Variants in DIPK2B observed in about 807,000 individuals in gnomAD.
DIPK2B encodes the protein divergent protein kinase domain 2B.
Under a neutral mutation model 22.2 loss-of-function variants are expected in DIPK2B, and 15 were observed. That is an observed-to-expected ratio of 0.68 (90% CI 0.45 to 1.04). The LOEUF (loss-of-function observed/expected upper bound fraction) is 1.04. DIPK2B is among the 50% of genes least tolerant of loss of function. The probability of loss-of-function intolerance (pLI) is 0.00; values close to 1 mark genes in which losing one functional copy is unlikely to be tolerated. For missense variants in DIPK2B, 345 were observed against 348.3 expected (o/e 0.99, Z 0.08); for synonymous variants, 163 against 153.2 (o/e 1.06, Z -0.47).
chrX:45,171,301 A>C, intron 2 of DIPK2B, among the ~76,000 whole-genome samples: 1 of 108,391 alleles, frequency 9.2e-6, no homozygotes, highest in Non-Finnish European at 1.9e-5. Flanking sequence ...CCCTGACCCC[A>C]CTCTGAACCC....
chrX:45,191,773 C>A lies in DIPK2B; in HGVS notation c.476G>T (p.Arg159Leu), dbSNP rs147191885. Residue 159 changes from arginine (R) to leucine (L), a missense_variant, in exon 2 of 5, where the codon CGC (arginine) becomes CTC (leucine). Physicochemically the swap from Arg to Leu is moderately radical, Grantham distance 102 (BLOSUM62 -2). Coordinates refer to ENST00000398000, the MANE Select transcript of DIPK2B (RefSeq NM_176819.4). Reference sequence around the variant, plus strand: ...CACCTGCACCAGGTCCGGCGTGAGGCGCTTGGCCTGCAGCCATTTCTGGAA... The same window carrying A: ...CACCTGCACCAGGTCCGGCGTGAGGAGCTTGGCCTGCAGCCATTTCTGGAA... ...ERFQKWLQAK[R>L]LTPDLVQGLA... is the part of the protein sequence containing the mutation. The A allele has an allele frequency of 1.1e-5, 13 of 1,209,931 alleles. No individual in the cohort carries two copies. The African/African-American group carries it at 2.3e-4, about 21-fold the overall frequency.
chrX:45,169,970 G>A (rs765049849), intron 2 of DIPK2B, among the ~76,000 whole-genome samples: 34 of 110,463 alleles, frequency 3.1e-4, no homozygotes, highest in Middle Eastern at 4.9e-3. Flanking sequence ...GGAGGCCGGC[G>A]CGGTGGCTCA....
chrX:45,169,084 A>G (rs1223744137), intron 2 of DIPK2B, among the ~76,000 whole-genome samples: 1 of 111,673 alleles, frequency 9.0e-6, no homozygotes, highest in Admixed American at 9.5e-5. Flanking sequence ...TCATGTTCTG[A>G]GCCAGGATAT....
At chrX:45,196,700 C>A (rs1339635114) in intron 1 of DIPK2B, among the ~76,000 whole-genome samples, 1 of 110,713 alleles carries the variant, frequency 9.0e-6, no homozygotes, top group Non-Finnish European at 1.9e-5. Flanking sequence ...TTACTCTCCA[C>A]CCCCACACCC....
At chrX:45,154,237 T>C in intron 3 of DIPK2B, 39 bp from the exon 4 acceptor site, 1 of 1,099,619 alleles carries the variant, frequency 9.1e-7, no homozygotes, top group Non-Finnish European at 1.2e-6. Context: ...GAGAAAAATC[T>C]GGTGACAGCT....
At chrX:45,162,557 C>T (rs1010274929) in intron 2 of DIPK2B, 4 of 752,393 alleles carry the variant, frequency 5.3e-6, no homozygotes, top group Middle Eastern at 7.4e-4. Context: ...TGGCCAATGG[C>T]AAACAGAATT....
At chrX:45,160,507 C>G (rs774171325) in intron 2 of DIPK2B, among the ~76,000 whole-genome samples, 1 of 111,952 alleles carries the variant, frequency 8.9e-6, no homozygotes, top group East Asian at 2.8e-4. Context: ...TCAGGTAGTT[C>G]TTTACAGCAG....
chrX:45,171,526 C>A (rs1026425703), intron 2 of DIPK2B, among the ~76,000 whole-genome samples: 9 of 111,017 alleles, frequency 8.1e-5, no homozygotes, highest in African/African-American at 3.0e-4. Flanking sequence ...AGCTCCCCAC[C>A]CCCAGCCCTC....
Position 45,179,679 on chromosome X carries a change from G to C in DIPK2B, c.498+12072C>G, listed in dbSNP as rs375493625. Among the ~76,000 whole-genome samples, 13 of 111,136 alleles carry C rather than the reference G, an allele frequency of 1.2e-4. No homozygotes were observed. The East Asian group carries it at 2.8e-3, about 24-fold the overall frequency. On this transcript the variant is annotated intron_variant, in intron 2 of 4. Transcript: ENST00000398000. ...TGGGCGCAGCAGAACTTATTAGTGA[G>C]CTAAAACAAGGCAAAACAAAATAAA...
chrX:45,155,834 C>A (rs1321487222), intron 3 of DIPK2B, among the ~76,000 whole-genome samples: 4 of 110,379 alleles, frequency 3.6e-5, no homozygotes, highest in African/African-American at 1.3e-4. Context: ...TGCTTGTTTT[C>A]CTTCTTTAAA....
At chrX:45,164,915 C>G (rs1330460880) in intron 2 of DIPK2B, among the ~76,000 whole-genome samples, 1 of 111,217 alleles carries the variant, frequency 9.0e-6, no homozygotes, top group African/African-American at 3.3e-5. Context: ...TTATTGGTGT[C>G]CAAGCTTGCT....
At chrX:45,197,368 G>A (rs1188658819) in intron 1 of DIPK2B, among the ~76,000 whole-genome samples, 1 of 111,285 alleles carries the variant, frequency 9.0e-6, no homozygotes, top group African/African-American at 3.3e-5. Flanking sequence ...TTCCCGAGTA[G>A]CTGGGACTAT....
At chrX:45,183,960 T>C (rs111393853) in intron 2 of DIPK2B, among the ~76,000 whole-genome samples, 5,311 of 111,821 alleles carry the variant, frequency 0.047, 302 homozygotes, top group African/African-American at 0.16. Flanking sequence ...ATACGGGGTA[T>C]GATAAGTATC....
At chrX:45,198,799 G>A (rs1332324378) in intron 1 of DIPK2B, among the ~76,000 whole-genome samples, 1 of 111,145 alleles carries the variant, frequency 9.0e-6, no homozygotes, top group African/African-American at 3.3e-5. Flanking sequence ...TTTCCTAGGC[G>A]GAAAACCTTG....
intron 2 of DIPK2B, among the ~76,000 whole-genome samples, chrX:45,172,714 C>T (rs181848388): frequency 2.7e-5 from 3 of 111,917 alleles, no homozygotes; most frequent in East Asian, 2.8e-4. Flanking sequence ...GGGAAGCTGA[C>T]GCAGAGTAAA....
intron 2 of DIPK2B, among the ~76,000 whole-genome samples, chrX:45,184,903 A>G (rs1259352951): frequency 9.0e-6 from 1 of 111,725 alleles, no homozygotes; most frequent in African/African-American, 3.3e-5. Context: ...GGCTCAAAAG[A>G]TAATGTTTTT....
intron 2 of DIPK2B, among the ~76,000 whole-genome samples, chrX:45,169,579 C>T (rs781585441): frequency 1.3e-4 from 15 of 111,799 alleles, no homozygotes; most frequent in African/African-American, 4.2e-4. Context: ...CAGGTGGGGA[C>T]GATGGTATTT....
In DIPK2B at chrX:45,157,903, G is replaced by A; in HGVS notation, c.499-15C>T. 2 of 1,124,952 alleles carry A rather than the reference G, an allele frequency of 1.8e-6. No homozygotes were observed. The highest frequency in any genetic ancestry group is 2.4e-6 in the Non-Finnish European group (2 of 848,731). The allele number at this position is 1,124,952 out of a possible 1,213,427, so 92.7% of individuals were successfully genotyped here. ...CTGGCCAGGCCCTACGCGCAGGTGGGAGAGAGGCGGGAGAAGAAGGGGGCG... is the reference window on the plus strand; with the variant it reads ...CTGGCCAGGCCCTACGCGCAGGTGGAAGAGAGGCGGGAGAAGAAGGGGGCG... On this transcript the variant is annotated splice_polypyrimidine_tract_variant and intron_variant, in intron 2 of 4. Transcript: ENST00000398000.
chrX:45,192,865 G>A (rs916369263), intron 1 of DIPK2B, among the ~76,000 whole-genome samples: 1 of 112,090 alleles, frequency 8.9e-6, no homozygotes, highest in Non-Finnish European at 1.9e-5. Flanking sequence ...TGGAATCTCT[G>A]TCTCCTGGAT....
Sources: gnomAD v4.1 joint callset for allele counts (sites outside exome capture counted in the v4.1 genomes callset) on GRCh38, gnomAD v4.1.1 for gene constraint, MANE v1.5 for transcripts, NCBI Gene and HGNC (gene_info 2026-07-23, HGNC 2026-07-21) for gene names.